Variants in TRIM55 observed in about 807,000 individuals in gnomAD.
The protein encoded by TRIM55 is tripartite motif containing 55.
A neutral mutation model predicts 60.9 loss-of-function variants in TRIM55; 50 were observed. The ratio of observed to expected loss-of-function variants is 0.82; its 90% CI spans 0.65 to 1.04. TRIM55 has a LOEUF of 1.04. Ranked by LOEUF, TRIM55 falls within the 50% of genes least tolerant of loss-of-function variation. The probability of loss-of-function intolerance (pLI) is 0.00; values close to 1 mark genes in which losing one functional copy is unlikely to be tolerated. For synonymous variants in TRIM55, 237 were observed against 238.1 expected (o/e 1.00, Z 0.04); for missense variants, 681 against 666.9 (o/e 1.02, Z -0.23).
At chr8:66,134,939 A>C (rs1240136971) in intron 2 of TRIM55, 51 bp from the exon 3 acceptor site, 2 of 1,591,210 alleles carry the variant, frequency 1.3e-6, no homozygotes, top group Non-Finnish European at 1.7e-6. Context: ...TGCCTTGATG[A>C]GATTGCCCCA....
intron 3 of TRIM55, 144 bp from the exon 4 acceptor site, chr8:66,136,951 G>A (rs1809511735): frequency 1.8e-6 from 1 of 561,652 alleles, no homozygotes; most frequent in South Asian, 2.5e-5. Context: ...TGCAATATCA[G>A]AAGGTCCACA....
At chr8:66,163,708 GTGAA>G (rs1811169936) in intron 9 of TRIM55, among the ~76,000 whole-genome samples, 1 of 152,188 alleles carries the variant, frequency 6.6e-6, no homozygotes, top group Admixed American at 6.5e-5. Context: ...ATCAACCTTG[GTGAA>G]TGTTCCACAT....
chr8:66,128,275 A>G (rs1808938249), intron 1 of TRIM55, 29 bp from the exon 2 acceptor site: 4 of 1,553,748 alleles, frequency 2.6e-6, no homozygotes, highest in Non-Finnish European at 3.5e-6. Context: ...GCATTACCCA[A>G]TTCCTTTTTT....
chr8:66,140,923 G>A (rs1350203560), intron 4 of TRIM55, among the ~76,000 whole-genome samples: 1 of 152,194 alleles, frequency 6.6e-6, no homozygotes, highest in East Asian at 1.9e-4. Context: ...AGTTCCTTAG[G>A]GATGGGAAAT....
chr8:66,123,732 C>A (rs991457439), upstream of TRIM55, among the ~76,000 whole-genome samples: 1 of 152,124 alleles, frequency 6.6e-6, no homozygotes, highest in Non-Finnish European at 1.5e-5. Context: ...GTGGTACACG[C>A]CTGTAGTACC....
chr8:66,115,872 G>A, the TRIM55 span, among the ~76,000 whole-genome samples: 1 of 152,294 alleles, frequency 6.6e-6, no homozygotes, highest in East Asian at 1.9e-4. Context: ...ACAGTGCCTG[G>A]CACATAGTAA....
intron 2 of TRIM55, among the ~76,000 whole-genome samples, chr8:66,129,850 A>G (rs903086458): frequency 2.6e-5 from 4 of 152,254 alleles, no homozygotes; most frequent in African/African-American, 9.6e-5. Context: ...GAGAGTTTAT[A>G]TAACAAGAGT....
In TRIM55 at chr8:66,154,222, C is replaced by T. The variant is rs1194460872; in HGVS notation, c.1412C>T (p.Pro471Leu). 1 of 1,613,964 alleles carries T rather than the reference C, an allele frequency of 6.2e-7. No homozygotes were observed. The highest frequency in any genetic ancestry group is 8.5e-7 in the Non-Finnish European group (1 of 1,180,020). ...PGSEGLGQIG[P>L]PGSEDSNVRK... Reference sequence around the variant, plus strand: ...AGCGAAGGTCTGGGGCAAATAGGGCCTCCAGGTTCTGAGGATTCGAATGTA... The same window carrying T: ...AGCGAAGGTCTGGGGCAAATAGGGCTTCCAGGTTCTGAGGATTCGAATGTA... Residue 471 changes from proline to leucine, a missense_variant, in exon 9 of 10, where the codon CCT (proline) becomes CTT (leucine). By Grantham distance (98) the Pro-to-Leu change is moderately conservative. Coordinates refer to ENST00000315962, the MANE Select transcript of TRIM55 (RefSeq NM_184085.2).
chr8:66,151,075 A>T (rs1289463186), intron 7 of TRIM55, among the ~76,000 whole-genome samples: 1 of 152,252 alleles, frequency 6.6e-6, no homozygotes, highest in African/African-American at 2.4e-5. Context: ...GTTAGCCAAA[A>T]TAATGTAAAG....
In TRIM55 at chr8:66,152,474, T is replaced by C; in HGVS notation, c.1083T>C (p.Asn361=). 6.2e-7 allele frequency: 1 copy of C among 1,613,932 alleles called. No individual in the cohort carries two copies. Among genetic ancestry groups the C allele is most frequent in the Non-Finnish European group, 8.5e-7 (1 of 1,179,982 alleles). The change falls in exon 8 of 10, where the codon AAT becomes AAC. Residue 361 remains asparagine, a synonymous_variant. Coordinates refer to ENST00000315962, the MANE Select transcript of TRIM55 (RefSeq NM_184085.2). ...GEAVEVEEVE[N]VQTEFPGEDE... The stretch of plus-strand genomic sequence containing the variant: ...CAGTAGAAGTGGAAGAGGTAGAAAA[T>C]GTTCAAACAGAGTTTCCAGGAGAAG...
In TRIM55 at chr8:66,154,144, G is replaced by A. The variant is rs1174046242; in HGVS notation, c.1334G>A (p.Trp445Ter). 4 of 1,613,922 alleles carry A rather than the reference G, an allele frequency of 2.5e-6. No homozygotes were observed. In the East Asian group the frequency reaches 8.9e-5, roughly 36 times the overall value. Reference protein sequence around the residue: ...ETADPLFYPSWYKGQTRKATT... With the variant: ...ETADPLFYPS ...GCGGATCCCTTGTTTTACCCTAGTT[G>A]GTATAAAGGCCAAACCCGGAAAGCC... is the stretch of plus-strand genomic sequence containing the variant. The change falls in exon 9 of 10, where the codon TGG becomes TAG. Residue 445 changes from tryptophan to a stop codon, truncating the protein, a stop_gained. Transcript: ENST00000315962. LOFTEE classifies it high-confidence loss of function.
intron 4 of TRIM55, among the ~76,000 whole-genome samples, chr8:66,143,202 G>T (rs895365438): frequency 1.3e-5 from 2 of 152,140 alleles, no homozygotes; most frequent in African/African-American, 2.4e-5. Flanking sequence ...GCTCTATTTT[G>T]GTCACAGAGC....
At chr8:66,137,823 T>G (rs78365703) in intron 4 of TRIM55, among the ~76,000 whole-genome samples, 1 of 152,030 alleles carries the variant, frequency 6.6e-6, no homozygotes, top group Admixed American at 6.5e-5. Flanking sequence ...TAGCTCATAT[T>G]TGAGCTTGCC....
intron 4 of TRIM55, among the ~76,000 whole-genome samples, chr8:66,145,639 A>G (rs75385811): frequency 0.16 from 24,283 of 151,856 alleles, 2,497 homozygotes; most frequent in Middle Eastern, 0.27. Context: ...ATCTACCTTA[A>G]GCATAGTGAA....
intron 9 of TRIM55, among the ~76,000 whole-genome samples, chr8:66,166,782 C>T (rs1387346557): frequency 2.0e-5 from 3 of 152,144 alleles, no homozygotes; most frequent in South Asian, 2.1e-4. Flanking sequence ...TTTGATCTCT[C>T]GTCCTCCACC....
intron 2 of TRIM55, among the ~76,000 whole-genome samples, chr8:66,134,775 T>C (rs1249186956): frequency 1.3e-5 from 2 of 152,092 alleles, no homozygotes; most frequent in Non-Finnish European, 2.9e-5. Flanking sequence ...AAGCAGGTTG[T>C]TAGAGATTTG....
intron 9 of TRIM55, among the ~76,000 whole-genome samples, chr8:66,154,775 G>T (rs1035123480): frequency 2.0e-5 from 3 of 152,218 alleles, no homozygotes; most frequent in Admixed American, 1.3e-4. Flanking sequence ...GAGCACACTT[G>T]AGTTTTAAGT....
At chr8:66,146,139 A>G (rs1285825363) in intron 4 of TRIM55, among the ~76,000 whole-genome samples, 1 of 152,250 alleles carries the variant, frequency 6.6e-6, no homozygotes, top group Non-Finnish European at 1.5e-5. Flanking sequence ...GTACCAATAT[A>G]TGCCAGGTAA....
intron 2 of TRIM55, 115 bp downstream of exon 2, chr8:66,128,591 G>T: frequency 8.3e-7 from 1 of 1,203,840 alleles, no homozygotes; most frequent in Non-Finnish European, 1.1e-6. Flanking sequence ...CTGTTTTATG[G>T]AAAAATGGTT....
Sources: gnomAD v4.1 joint callset for allele counts (sites outside exome capture counted in the v4.1 genomes callset) on GRCh38, gnomAD v4.1.1 for gene constraint, MANE v1.5 for transcripts, NCBI Gene and HGNC (gene_info 2026-07-23, HGNC 2026-07-21) for gene names.